Variants in ARK2N observed in about 807,000 individuals in gnomAD.
ARK2N encodes the protein protein ARK2N.
chr18:46,174,226 C>T, the ARK2N span: 7 of 152,360 alleles, frequency 4.6e-5, no homozygotes, highest in African/African-American at 7.2e-5. Flanking sequence ...CCGTCGCGTC[C>T]TGAGTCACCG....
the ARK2N span, among the ~76,000 whole-genome samples, chr18:46,241,708 A>G: frequency 6.6e-6 from 1 of 152,040 alleles, no homozygotes; most frequent in Non-Finnish European, 1.5e-5. Flanking sequence ...CTGGGTGACA[A>G]AACTAGACTG....
chr18:46,263,961 G>A, the ARK2N span: 1 of 152,284 alleles, frequency 6.6e-6, no homozygotes, highest in African/African-American at 2.4e-5. Flanking sequence ...AAACCTGTTG[G>A]GAAGAATATG....
At chr18:46,178,017 C>T in the ARK2N span, among the ~76,000 whole-genome samples, 3 of 152,230 alleles carry the variant, frequency 2.0e-5, no homozygotes, top group Admixed American at 6.5e-5. Flanking sequence ...ATAAGACCAA[C>T]AAGGCCACCT....
the ARK2N span, among the ~76,000 whole-genome samples, chr18:46,256,113 C>T: frequency 1.3e-5 from 2 of 152,166 alleles, no homozygotes; most frequent in African/African-American, 4.8e-5. Flanking sequence ...GGTGAATTAT[C>T]TTCAAATGTG....
chr18:46,201,083 A>T, the ARK2N span, among the ~76,000 whole-genome samples: 2 of 148,334 alleles, frequency 1.3e-5, no homozygotes, highest in Non-Finnish European at 3.0e-5. Flanking sequence ...GGTTCAAGTG[A>T]TCCTCCTACC....
At chr18:46,263,682 CTTTCT>C in the ARK2N span, 2 of 152,784 alleles carry the variant, frequency 1.3e-5, no homozygotes, top group African/African-American at 4.8e-5. Context: ...CTTCTGCCTT[CTTTCT>C]TGAGTTTGCT....
At chr18:46,195,663 G>A in the ARK2N span, among the ~76,000 whole-genome samples, 11 of 135,140 alleles carry the variant, frequency 8.1e-5, no homozygotes, top group East Asian at 6.8e-4. Flanking sequence ...TGCAGCCTCC[G>A]CCTCCTGAGT....
chr18:46,203,850 G>C, the ARK2N span, among the ~76,000 whole-genome samples: 2 of 152,138 alleles, frequency 1.3e-5, no homozygotes, highest in African/African-American at 4.8e-5. Context: ...GCCTCTCAAA[G>C]TACTGGGATT....
chr18:46,218,437 G>A, the ARK2N span: 2 of 152,166 alleles, frequency 1.3e-5, no homozygotes, highest in African/African-American at 4.8e-5. Flanking sequence ...AGAATCAAAT[G>A]GTAGATTGAG....
At chr18:46,226,258 G>C in the ARK2N span, among the ~76,000 whole-genome samples, 2 of 152,208 alleles carry the variant, frequency 1.3e-5, no homozygotes, top group Admixed American at 1.3e-4. Flanking sequence ...AGGAAAAGCA[G>C]ATTAGACTGC....
chr18:46,259,772 C>CTGTGTGTGTGTGTGTGTG, the ARK2N span, among the ~76,000 whole-genome samples: 2 of 104,858 alleles, frequency 1.9e-5, no homozygotes, highest in African/African-American at 3.5e-5. Context: ...CACCCAGCTA[C>CTGTGTGTGTGTGTGTGTG]TGTGTGTGTG....
At chr18:46,185,069 G>A in the ARK2N span, among the ~76,000 whole-genome samples, 1 of 152,160 alleles carries the variant, frequency 6.6e-6, no homozygotes, top group Non-Finnish European at 1.5e-5. Flanking sequence ...TCTATGTAAT[G>A]GAATGTATTT....
the ARK2N span, among the ~76,000 whole-genome samples, chr18:46,234,923 A>G: frequency 7.2e-5 from 11 of 152,282 alleles, no homozygotes; most frequent in Middle Eastern, 3.4e-3. Context: ...GCTTTATTGT[A>G]TATTACTATG....
the ARK2N span, among the ~76,000 whole-genome samples, chr18:46,207,411 A>G: frequency 8.5e-6 from 1 of 118,284 alleles, no homozygotes; most frequent in Non-Finnish European, 1.7e-5. Flanking sequence ...TTTTTTTGAG[A>G]TGGAGTCTAG....
the ARK2N span, among the ~76,000 whole-genome samples, chr18:46,184,902 T>C: frequency 6.6e-6 from 1 of 152,346 alleles, no homozygotes; most frequent in East Asian, 1.9e-4. Flanking sequence ...TAGTGCCTGA[T>C]TCTTGCATAT....
the ARK2N span, among the ~76,000 whole-genome samples, chr18:46,178,952 A>G: frequency 1.3e-5 from 2 of 151,514 alleles, no homozygotes; most frequent in African/African-American, 4.8e-5. Flanking sequence ...GTGAATACAA[A>G]TTTTTTTTGA....
chr18:46,249,047 T>G, the ARK2N span, among the ~76,000 whole-genome samples: 7 of 152,308 alleles, frequency 4.6e-5, 1 homozygote, highest in African/African-American at 1.4e-4. Flanking sequence ...ACTTTCCTGT[T>G]GTACTTACCT....
the ARK2N span, among the ~76,000 whole-genome samples, chr18:46,195,864 C>T: frequency 6.6e-6 from 1 of 152,156 alleles, no homozygotes; most frequent in Non-Finnish European, 1.5e-5. Context: ...GCATGAGCCA[C>T]TGTGCCTGGT....
At chr18:46,259,346 C>T in the ARK2N span, among the ~76,000 whole-genome samples, 2 of 150,734 alleles carry the variant, frequency 1.3e-5, no homozygotes, top group Non-Finnish European at 2.9e-5. Context: ...TGGGTTCAAG[C>T]GATTCTCCTG....
Sources: gnomAD v4.1 joint callset for allele counts (sites outside exome capture counted in the v4.1 genomes callset) on GRCh38, gnomAD v4.1.1 for gene constraint, MANE v1.5 for transcripts, NCBI Gene and HGNC (gene_info 2026-07-23, HGNC 2026-07-21) for gene names.